The following SCHIP1 variants were observed in gnomAD, a reference collection of about 807,000 sequenced individuals.
SCHIP1 encodes schwannomin interacting protein 1, also known as schwannomin-interacting protein 1.
SCHIP1 carries 8 observed loss-of-function variants against 29.7 expected under a neutral mutation model. That is an observed-to-expected ratio of 0.27 (90% CI 0.16 to 0.49). SCHIP1 has a LOEUF of 0.49. SCHIP1 is among the 20% of genes least tolerant of loss of function. The pLI is 0.99. For synonymous variants in SCHIP1, 76 were observed against 94.9 expected (o/e 0.80, Z 1.16); for missense variants, 193 against 294.6 (o/e 0.66, Z 2.52).
chr3:159,274,644 C>T, the SCHIP1 span: 64 of 817,810 alleles, frequency 7.8e-5, no homozygotes, highest in African/African-American at 1.2e-3. Context: ...TATGACACAA[C>T]CAACGAAGAA....
At chr3:159,567,174 A>C in the SCHIP1 span, among the ~76,000 whole-genome samples, 1 of 152,092 alleles carries the variant, frequency 6.6e-6, no homozygotes, top group Non-Finnish European at 1.5e-5. Context: ...AATTGTGTTT[A>C]TATTCTAATT....
chr3:159,540,901 G>A, the SCHIP1 span, among the ~76,000 whole-genome samples: 48 of 152,124 alleles, frequency 3.2e-4, no homozygotes, highest in East Asian at 9.1e-3. Flanking sequence ...ATTACTGAGA[G>A]CCCTCAACTT....
chr3:159,387,215 T>C, the SCHIP1 span: 1 of 185,826 alleles, frequency 5.4e-6, no homozygotes, highest in South Asian at 8.6e-5. Context: ...AACACCCAGA[T>C]GATGTGGCCA....
chr3:159,283,876 C>A, the SCHIP1 span, among the ~76,000 whole-genome samples: 1 of 152,142 alleles, frequency 6.6e-6, no homozygotes, highest in South Asian at 2.1e-4. Context: ...ATAGTTGATG[C>A]GATGAGTTAT....
intron 3 of SCHIP1, chr3:159,886,979 G>A (rs2109442711): frequency 6.5e-6 from 1 of 153,022 alleles, no homozygotes; most frequent in South Asian, 2.1e-4. Context: ...GTACAGGAAA[G>A]ACCCACCCCC....
At chr3:159,878,691 T>C (rs1260924550) in intron 2 of SCHIP1, among the ~76,000 whole-genome samples, 1 of 146,260 alleles carries the variant, frequency 6.8e-6, no homozygotes, top group African/African-American at 2.5e-5. Context: ...GGCAGGAGAA[T>C]GGCATGAACC....
chr3:159,805,512 G>T, the SCHIP1 span, among the ~76,000 whole-genome samples: 3 of 152,182 alleles, frequency 2.0e-5, no homozygotes, highest in Non-Finnish European at 4.4e-5. Flanking sequence ...GACACTGTAA[G>T]ACTTAGGCCT....
chr3:159,565,274 A>C, the SCHIP1 span, among the ~76,000 whole-genome samples: 1 of 152,130 alleles, frequency 6.6e-6, no homozygotes, highest in Non-Finnish European at 1.5e-5. Flanking sequence ...AGTCATTTTT[A>C]TTTGTCTACA....
chr3:159,635,955 GA>G, the SCHIP1 span, among the ~76,000 whole-genome samples: 1 of 152,122 alleles, frequency 6.6e-6, no homozygotes, highest in South Asian at 2.1e-4. Context: ...GGCAGGTGTG[GA>G]ATGCAATGGA....
the SCHIP1 span, among the ~76,000 whole-genome samples, chr3:159,284,504 T>G: frequency 6.6e-6 from 1 of 152,182 alleles, no homozygotes; most frequent in Non-Finnish European, 1.5e-5. Context: ...GTTTTGTTTT[T>G]TTGAGATGGA....
the SCHIP1 span, among the ~76,000 whole-genome samples, chr3:159,487,838 G>T: frequency 6.6e-6 from 1 of 152,156 alleles, no homozygotes; most frequent in East Asian, 1.9e-4. Context: ...CTTCAACCCA[G>T]TGGCTAAAGT....
the SCHIP1 span, among the ~76,000 whole-genome samples, chr3:159,328,232 T>C: frequency 6.6e-6 from 1 of 152,200 alleles, no homozygotes; most frequent in African/African-American, 2.4e-5. Flanking sequence ...TTAGATGGCA[T>C]AGAAGAATAT....
intron 5 of SCHIP1, among the ~76,000 whole-genome samples, chr3:159,889,615 G>A (rs1400344913): frequency 1.3e-5 from 2 of 152,168 alleles, no homozygotes; most frequent in Non-Finnish European, 2.9e-5. Context: ...GAATGAGTCT[G>A]TATAATTATA....
the SCHIP1 span, among the ~76,000 whole-genome samples, chr3:159,724,139 A>C: frequency 1.3e-5 from 2 of 152,132 alleles, no homozygotes; most frequent in Non-Finnish European, 2.9e-5. Context: ...TGAAGTTTTA[A>C]TATTTTCTAT....
the SCHIP1 span, among the ~76,000 whole-genome samples, chr3:159,596,561 A>G: frequency 6.6e-6 from 1 of 152,188 alleles, no homozygotes; most frequent in African/African-American, 2.4e-5. Context: ...AATGTCCATC[A>G]ATGATAGACT....
chr3:159,365,845 A>G, the SCHIP1 span, among the ~76,000 whole-genome samples: 4 of 152,258 alleles, frequency 2.6e-5, no homozygotes, highest in Admixed American at 2.6e-4. Flanking sequence ...GTGTCTTGCT[A>G]TCACCCCTAA....
chr3:159,290,648 TCTGA>T, the SCHIP1 span, among the ~76,000 whole-genome samples: 1 of 152,110 alleles, frequency 6.6e-6, no homozygotes, highest in Non-Finnish European at 1.5e-5. Context: ...GACATAATAT[TCTGA>T]CTACCAGTAA....
the SCHIP1 span, among the ~76,000 whole-genome samples, chr3:159,816,628 T>G: frequency 1.3e-5 from 2 of 152,228 alleles, no homozygotes; most frequent in African/African-American, 4.8e-5. Context: ...CCTGACTGCC[T>G]ATTCAAGTGT....
chr3:159,591,166 A>G, the SCHIP1 span, among the ~76,000 whole-genome samples: 1 of 152,182 alleles, frequency 6.6e-6, no homozygotes, highest in Non-Finnish European at 1.5e-5. Context: ...GTATTTGCCA[A>G]TAGAAATTGA....
Sources: gnomAD v4.1 joint callset for allele counts (sites outside exome capture counted in the v4.1 genomes callset) on GRCh38, gnomAD v4.1.1 for gene constraint, MANE v1.5 for transcripts, NCBI Gene and HGNC (gene_info 2026-07-23, HGNC 2026-07-21) for gene names.